Variants in PPP1R7 observed in about 807,000 individuals in gnomAD.
The protein encoded by PPP1R7 is protein phosphatase 1 regulatory subunit 7.
Under a neutral mutation model 45.2 loss-of-function variants are expected in PPP1R7, and 18 were observed. The ratio of observed to expected loss-of-function variants is 0.40; its 90% CI spans 0.28 to 0.59. The LOEUF is 0.59. Among genes scored for constraint, PPP1R7 ranks in the 20% least tolerant of loss-of-function variants. The pLI is 0.46. For synonymous variants in PPP1R7, 181 were observed against 183.4 expected, an observed-to-expected ratio of 0.99 and a Z score of 0.11; for missense variants, 314 against 455.8, an observed-to-expected ratio of 0.69 and a Z score of 2.83.
chr2:241,149,696 G>A, upstream of PPP1R7: 1 of 1,550,990 alleles, frequency 6.4e-7, no homozygotes, highest in Non-Finnish European at 8.7e-7. Context: ...CTCCCGACTC[G>A]CGATCAAAAT....
intron 9 of PPP1R7, among the ~76,000 whole-genome samples, chr2:241,170,271 T>C (rs1377263771): frequency 6.6e-6 from 1 of 152,242 alleles, no homozygotes; most frequent in Non-Finnish European, 1.5e-5. Context: ...GGCAGACGCA[T>C]TCCCTACAGA....
intron 6 of PPP1R7, among the ~76,000 whole-genome samples, chr2:241,160,794 A>T (rs1471387292): frequency 6.6e-6 from 1 of 152,230 alleles, no homozygotes; most frequent in African/African-American, 2.4e-5. Flanking sequence ...GAACCAACCA[A>T]CCTGAATGCC....
chr2:241,175,150 TC>T (rs1415385737), intron 9 of PPP1R7, among the ~76,000 whole-genome samples: 1 of 152,174 alleles, frequency 6.6e-6, no homozygotes, highest in Non-Finnish European at 1.5e-5. Flanking sequence ...TACTTTGTTT[TC>T]CCTCCCAATT....
At chr2:241,158,593 G>A (rs753272823) in intron 4 of PPP1R7, 44 bp downstream of exon 4, 1 of 1,572,152 alleles carries the variant, frequency 6.4e-7, no homozygotes, top group African/African-American at 1.3e-5. Flanking sequence ...TCACCCATAG[G>A]ATGTGGATAA....
At chr2:241,165,348 A>G (rs1222840162) in intron 7 of PPP1R7, among the ~76,000 whole-genome samples, 2 of 146,980 alleles carry the variant, frequency 1.4e-5, no homozygotes, top group Non-Finnish European at 3.0e-5. Flanking sequence ...TTGTATTTTT[A>G]GTGGAGACAG....
At chr2:241,180,176 AT>A (rs1355464627) in intron 9 of PPP1R7, among the ~76,000 whole-genome samples, 1 of 152,192 alleles carries the variant, frequency 6.6e-6, no homozygotes, top group Non-Finnish European at 1.5e-5. Flanking sequence ...GTTTTGAATC[AT>A]TTTTTAAATA....
At chr2:241,162,363 TGA>T (rs986413728) in intron 6 of PPP1R7, among the ~76,000 whole-genome samples, 2 of 152,190 alleles carry the variant, frequency 1.3e-5, no homozygotes, top group Non-Finnish European at 2.9e-5. Context: ...TGACTTGTTC[TGA>T]GAGAGAGTGA....
At chr2:241,180,713 A>G (rs544511932) in intron 9 of PPP1R7, among the ~76,000 whole-genome samples, 20 of 152,106 alleles carry the variant, frequency 1.3e-4, no homozygotes, top group Middle Eastern at 3.4e-3. Context: ...ACAGAGTAGC[A>G]TTTAAGAAGG....
intron 5 of PPP1R7, among the ~76,000 whole-genome samples, chr2:241,159,568 C>A (rs1158549285): frequency 6.6e-6 from 1 of 152,248 alleles, no homozygotes; most frequent in African/African-American, 2.4e-5. Context: ...ACAATCCTGA[C>A]TTCCAAAGTA....
intron 8 of PPP1R7, among the ~76,000 whole-genome samples, chr2:241,167,763 T>C (rs1575399511): frequency 1.3e-5 from 2 of 151,976 alleles, no homozygotes; most frequent in African/African-American, 4.8e-5. Context: ...AAAAAAAAAA[T>C]TGTTGTATTA....
At chr2:241,166,683 C>T (rs970066281) in intron 8 of PPP1R7, among the ~76,000 whole-genome samples, 15 of 152,222 alleles carry the variant, frequency 9.9e-5, no homozygotes, top group Non-Finnish European at 1.9e-4. Flanking sequence ...AGGGCTGACG[C>T]TTTATGTGGG....
intron 9 of PPP1R7, among the ~76,000 whole-genome samples, chr2:241,173,820 A>G (rs554250872): frequency 6.6e-6 from 1 of 151,972 alleles, no homozygotes; most frequent in Non-Finnish European, 1.5e-5. Flanking sequence ...TCATGATCTT[A>G]TCATCTGTAG....
At position 241,159,175 on chromosome 2, in the gene PPP1R7, C is replaced by T. The variant is rs372765684; in HGVS notation, c.304-38C>T. 52 of 1,608,632 alleles carry T rather than the reference C, an allele frequency of 3.2e-5. No individual in the cohort carries two copies. The African/African-American group carries it at 6.1e-4, about 19-fold the overall frequency. ...AGCTGAGGCCTTCTCGTGGCCTCCC[C>T]CTTGCCTGTGTCAATTGTCCCTTTT... On this transcript the variant is annotated intron_variant, in intron 4 of 9. Coordinates refer to ENST00000234038, the MANE Select transcript of PPP1R7 (RefSeq NM_002712.3).
chr2:241,170,911 A>G (rs557308708), intron 9 of PPP1R7, among the ~76,000 whole-genome samples: 44 of 152,252 alleles, frequency 2.9e-4, no homozygotes, highest in African/African-American at 9.1e-4. Context: ...AGGTGGGTCT[A>G]TGTGCAGCCC....
intron 6 of PPP1R7, among the ~76,000 whole-genome samples, chr2:241,162,960 C>T (rs181312898): frequency 1.3e-3 from 199 of 152,232 alleles, no homozygotes; most frequent in African/African-American, 4.6e-3. Flanking sequence ...GATTTCCACG[C>T]CCGACAGGGG....
chr2:241,163,171 G>T, intron 6 of PPP1R7, 114 bp from the exon 7 acceptor site: 1 of 679,356 alleles, frequency 1.5e-6, no homozygotes. Flanking sequence ...TACGTCACTA[G>T]CCCCACATCG....
At chr2:241,161,404 C>T (rs1172228941) in intron 6 of PPP1R7, among the ~76,000 whole-genome samples, 2 of 147,750 alleles carry the variant, frequency 1.4e-5, no homozygotes, top group Non-Finnish European at 3.0e-5. Context: ...CTCTGGCATG[C>T]TTCTTCGAGA....
intron 1 of PPP1R7, among the ~76,000 whole-genome samples, chr2:241,151,164 A>G (rs75621338): frequency 0.014 from 2,193 of 152,372 alleles, 50 homozygotes; most frequent in African/African-American, 0.049. Flanking sequence ...ACATGTGTTT[A>G]TAATTTTCTG....
At chr2:241,150,197 C>A, upstream of PPP1R7, 1 of 1,273,724 alleles carries the variant, frequency 7.9e-7, no homozygotes, top group African/African-American at 1.6e-5. Context: ...GACGTCCACT[C>A]CGTCTGCCTG....
Sources: allele counts gnomAD v4.1 joint callset (sites outside exome capture counted in the v4.1 genomes callset), GRCh38; gene constraint gnomAD v4.1.1; transcripts MANE v1.5; gene names NCBI Gene and HGNC (gene_info 2026-07-23, HGNC 2026-07-21).